Variants in CNTRL observed in about 807,000 individuals in gnomAD.
The protein encoded by CNTRL is 110 kDa centrosomal protein.
Under a neutral mutation model 303.7 loss-of-function variants are expected in CNTRL, and 233 were observed. The ratio of observed to expected loss-of-function variants is 0.77; its 90% CI spans 0.69 to 0.86. CNTRL has a LOEUF of 0.86. CNTRL is among the 40% of genes least tolerant of loss of function. CNTRL has a pLI of 0.00. For synonymous variants in CNTRL, 900 were observed against 922.2 expected (o/e 0.98, Z 0.44); for missense variants, 2,524 against 2,650.6 (o/e 0.95, Z 1.05).
intron 9 of CNTRL, 79 bp downstream of exon 9, chr9:121,112,657 A>G: frequency 3.6e-6 from 5 of 1,404,004 alleles, no homozygotes; most frequent in East Asian, 2.3e-5. Context: ...TGGTGAGGAC[A>G]TGTAAGGGAT....
At chr9:121,105,998 A>G (rs1051495413) in intron 7 of CNTRL, among the ~76,000 whole-genome samples, 2 of 152,206 alleles carry the variant, frequency 1.3e-5, no homozygotes, top group Admixed American at 1.3e-4. Flanking sequence ...CAAATGCAGT[A>G]AACTTCAAAG....
chr9:121,131,538 A>G (rs1010698560), intron 14 of CNTRL, among the ~76,000 whole-genome samples: 3 of 152,066 alleles, frequency 2.0e-5, no homozygotes, highest in South Asian at 4.1e-4. Context: ...TGCACATGAG[A>G]TGGGTCTCCT....
At chr9:121,085,712 G>C (rs2048318489) in intron 2 of CNTRL, among the ~76,000 whole-genome samples, 1 of 152,196 alleles carries the variant, frequency 6.6e-6, no homozygotes, top group Non-Finnish European at 1.5e-5. Flanking sequence ...TTGGTTGAGA[G>C]AAATAAGAGG....
intron 12 of CNTRL, among the ~76,000 whole-genome samples, chr9:121,119,188 G>C (rs2050114736): frequency 6.6e-6 from 1 of 151,714 alleles, no homozygotes; most frequent in Admixed American, 6.6e-5. Context: ...GTAAATGATG[G>C]CCGCATGGTA....
rs147354690 is a variant in CNTRL, at chr9:121,141,521, A to G, written c.2624A>G (p.Gln875Arg). The G allele has an allele frequency of 1.2e-6, 2 of 1,614,188 alleles. No individual in the cohort carries two copies. Among genetic ancestry groups the G allele is most frequent in the Non-Finnish European group, 1.7e-6 (2 of 1,180,026 alleles). The change falls in exon 18 of 44, where the codon CAG (glutamine) becomes CGG (arginine). Residue 875 changes from glutamine (Q) to arginine (R), a missense_variant. Transcript: ENST00000373855. ...ERKLQEEMAL[Q>R]QEKLATGQEE... ...AAACTCCAAGAAGAAATGGCTCTGC[A>G]GCAAGAGAAACTGGCAACTGGACAA... is the stretch of plus-strand genomic sequence containing the variant.
At chr9:121,121,224 A>G (rs1013073259) in intron 12 of CNTRL, among the ~76,000 whole-genome samples, 1 of 152,212 alleles carries the variant, frequency 6.6e-6, no homozygotes, top group East Asian at 1.9e-4. Context: ...TGTGTCATAC[A>G]TTGTGCTGTA....
At chr9:121,096,157 T>G (rs2048882815) in intron 5 of CNTRL, among the ~76,000 whole-genome samples, 1 of 152,200 alleles carries the variant, frequency 6.6e-6, no homozygotes, top group Admixed American at 6.5e-5. Context: ...CATGGTCACA[T>G]TTTTCTTTTC....
At position 121,148,900 on chromosome 9, in the gene CNTRL, C is replaced by A. The variant is rs769746699; in HGVS notation, c.3649+39C>A. On this transcript the variant is annotated intron_variant, in intron 24 of 43. Transcript: ENST00000373855. ...CATAGGAAAGTTGCATTTCTCTTGC[C>A]CGTTTAATAACCTTTTACTGATTCT... The A allele has an allele frequency of 1.1e-5, 18 of 1,571,318 alleles. No individual in the cohort carries two copies. The South Asian group carries it at 1.9e-4, about 17-fold the overall frequency.
At chr9:121,130,581 G>T (rs2050798953) in intron 14 of CNTRL, among the ~76,000 whole-genome samples, 2 of 152,060 alleles carry the variant, frequency 1.3e-5, no homozygotes, top group Admixed American at 6.6e-5. Flanking sequence ...CAAAAAACCA[G>T]CTCCTGGATT....
chr9:121,135,192 A>C (rs2051115379), intron 14 of CNTRL, among the ~76,000 whole-genome samples: 1 of 152,252 alleles, frequency 6.6e-6, no homozygotes, highest in Admixed American at 6.5e-5. Flanking sequence ...GTTAGCACTC[A>C]TTTAAGGTAC....
At chr9:121,176,673 G>A (rs1216108271) in intron 43 of CNTRL, among the ~76,000 whole-genome samples, 1 of 152,202 alleles carries the variant, frequency 6.6e-6, no homozygotes, top group Non-Finnish European at 1.5e-5. Flanking sequence ...GGGTAGGGGC[G>A]AGATTGGTAG....
intron 31 of CNTRL, among the ~76,000 whole-genome samples, chr9:121,159,417 A>T (rs1214446781): frequency 6.6e-6 from 1 of 152,148 alleles, no homozygotes; most frequent in African/African-American, 2.4e-5. Flanking sequence ...GCAGATCACG[A>T]GGTTAAGAGA....
chr9:121,154,580 C>T, intron 26 of CNTRL, 141 bp from the exon 27 acceptor site: 3 of 576,184 alleles, frequency 5.2e-6, no homozygotes, highest in African/African-American at 3.7e-5. Context: ...AGACCTTGAA[C>T]AAAATCAAAT....
intron 8 of CNTRL, among the ~76,000 whole-genome samples, chr9:121,110,253 T>C (rs2049687693): frequency 6.6e-6 from 1 of 152,146 alleles, no homozygotes; most frequent in Admixed American, 6.6e-5. Flanking sequence ...ATATTTAAAA[T>C]GAGGATTATT....
At chr9:121,125,087 A>G (rs1241033702) in intron 13 of CNTRL, among the ~76,000 whole-genome samples, 2 of 152,006 alleles carry the variant, frequency 1.3e-5, no homozygotes, top group African/African-American at 2.4e-5. Flanking sequence ...TTCATCTTAT[A>G]TACTAGGTGG....
rs544887984 is a variant in CNTRL at position 121,175,598 on chromosome 9, A to G, written c.6954+374A>G. On this transcript the variant is annotated intron_variant, in intron 43 of 43. Coordinates refer to ENST00000373855, the MANE Select transcript of CNTRL (RefSeq NM_007018.6). Reference sequence around the variant, plus strand: ...GGAAACTCGTAAGATAGGATTTAATATATTACATAGAAAGTACTTAAAAGC... The same window carrying G: ...GGAAACTCGTAAGATAGGATTTAATGTATTACATAGAAAGTACTTAAAAGC... 2.6e-5 allele frequency among the ~76,000 whole-genome samples: 4 copies of G among 152,364 alleles called. No homozygotes were observed. In the East Asian group the frequency reaches 7.7e-4, roughly 29 times the overall value.
rs1455041400 is a variant in CNTRL at position 121,168,228 on chromosome 9, C to T, written c.5977C>T (p.Leu1993Phe). 4 of 1,614,156 alleles carry T rather than the reference C, an allele frequency of 2.5e-6. No individual in the cohort carries two copies. The highest frequency in any genetic ancestry group is 3.4e-6 in the Non-Finnish European group (4 of 1,180,022). The stretch of plus-strand genomic sequence containing the variant: ...CCAGAAAAGCAAACTGGACCAAGTG[C>T]TCTCAAAGGTGCTGGCAGCTGAAGA... ...TDQKSKLDQV[L>F]SKVLAAEERV... Residue 1993 changes from leucine to phenylalanine, a missense_variant, in exon 38 of 44, where the codon CTC becomes TTC. By Grantham distance (22) the Leu-to-Phe change is conservative. Coordinates refer to ENST00000373855, the MANE Select transcript of CNTRL (RefSeq NM_007018.6).
intron 24 of CNTRL, among the ~76,000 whole-genome samples, chr9:121,149,810 G>A (rs772850431): frequency 3.3e-5 from 5 of 152,192 alleles, no homozygotes; most frequent in African/African-American, 9.7e-5. Context: ...AAGCTATCAC[G>A]TTGGAGAGTG....
intron 13 of CNTRL, among the ~76,000 whole-genome samples, chr9:121,124,413 A>G (rs1324539652): frequency 6.6e-6 from 1 of 152,190 alleles, no homozygotes; most frequent in Non-Finnish European, 1.5e-5. Context: ...GGCATCAGGG[A>G]ATTCAGTGTC....
Sources: gnomAD v4.1 joint callset for allele counts (sites outside exome capture counted in the v4.1 genomes callset) on GRCh38, gnomAD v4.1.1 for gene constraint, MANE v1.5 for transcripts, NCBI Gene and HGNC (gene_info 2026-07-23, HGNC 2026-07-21) for gene names.